CDC45: variants seen among roughly 807,000 people sequenced by gnomAD.
CDC45 encodes cell division cycle 45.
Under a neutral mutation model 77.8 loss-of-function variants are expected in CDC45, and 54 were observed. The ratio of observed to expected loss-of-function variants is 0.69; its 90% CI spans 0.56 to 0.87. The LOEUF (loss-of-function observed/expected upper bound fraction) is 0.87. Ranked by LOEUF, CDC45 falls within the 40% of genes least tolerant of loss-of-function variation. CDC45 has a pLI of 0.00. For synonymous variants in CDC45, 260 were observed against 272.1 expected (o/e 0.96, Z 0.44); for missense variants, 649 against 721.6 (o/e 0.90, Z 1.15).
chr22:19,513,538 G>A (rs1374534157), intron 13 of CDC45, among the ~76,000 whole-genome samples: 2 of 152,048 alleles, frequency 1.3e-5, no homozygotes, highest in African/African-American at 2.4e-5. Context: ...AGAGTCTGGG[G>A]TTCTGTCTTC....
intron 12 of CDC45, 25 bp downstream of exon 12, chr22:19,507,889 A>T (rs1241798782): frequency 6.8e-7 from 1 of 1,459,952 alleles, no homozygotes; most frequent in Admixed American, 1.8e-5. Context: ...TTCTGGATTT[A>T]TCTTCATTAC....
Position 19,520,322 on chromosome 22 carries a change from T to C in CDC45, c.*2-159T>C, listed in dbSNP as rs1646881079. Among the ~76,000 whole-genome samples, 1 of 152,106 alleles carries C rather than the reference T, an allele frequency of 6.6e-6. No individual in the cohort carries two copies. Among genetic ancestry groups the C allele is most frequent in the African/African-American group, 2.4e-5 (1 of 41,414 alleles). ...AGCTCAGCCCAGTCAAGGGGTGCTA[T>C]GAGGACAGCAGGGGCCTCCGAGTCT... On this transcript the variant is annotated intron_variant, in intron 18 of 18. Transcript: ENST00000263201. The surrounding 1 kb of genome is among the most constrained non-coding windows in gnomAD (Gnocchi z 4.5).
At chr22:19,513,990 C>T (rs1645494774) in intron 13 of CDC45, among the ~76,000 whole-genome samples, 1 of 152,166 alleles carries the variant, frequency 6.6e-6, no homozygotes, top group African/African-American at 2.4e-5. Context: ...TCAACATTTC[C>T]TAGTTTTTAA....
chr22:19,481,972 C>T (rs1300810568), intron 3 of CDC45, among the ~76,000 whole-genome samples: 1 of 152,238 alleles, frequency 6.6e-6, no homozygotes, highest in Non-Finnish European at 1.5e-5. Flanking sequence ...GAATACACTA[C>T]TATTTTATGT....
chr22:19,495,046 G>GTCTC (rs1409758325), intron 6 of CDC45, among the ~76,000 whole-genome samples: 1 of 152,180 alleles, frequency 6.6e-6, no homozygotes, highest in African/African-American at 2.4e-5. Flanking sequence ...GCGAGACCTT[G>GTCTC]TCTCTAAAAA....
chr22:19,510,879 T>C (rs940060544), intron 13 of CDC45, among the ~76,000 whole-genome samples: 2 of 152,260 alleles, frequency 1.3e-5, no homozygotes, highest in African/African-American at 4.8e-5. Flanking sequence ...TTCTATTTCA[T>C]TTATCCATTC....
chr22:19,483,081 G>A (rs1426974442), intron 4 of CDC45, among the ~76,000 whole-genome samples: 2 of 151,948 alleles, frequency 1.3e-5, no homozygotes, highest in East Asian at 1.9e-4. Context: ...CTCCTTAGTA[G>A]GTGGGACTAC....
At chr22:19,518,041 A>G (rs1845145089) in intron 17 of CDC45, among the ~76,000 whole-genome samples, 1 of 152,214 alleles carries the variant, frequency 6.6e-6, no homozygotes, top group African/African-American at 2.4e-5. Flanking sequence ...AGCCAGACCC[A>G]GCCATGGCTG....
rs768661708 is a variant in CDC45 at position 19,479,954 on chromosome 22, C to T, written c.-15C>T. The T allele has an allele frequency of 3.1e-6, 5 of 1,612,616 alleles. No homozygotes were observed. The South Asian group carries it at 5.5e-5, about 18-fold the overall frequency. ...GTACCTCAGCGCGAGCGCCAGGCGT[C>T]CGGCCGCCGTGGCTATGTTCGTGTC... On this transcript the variant is annotated 5_prime_UTR_variant, in exon 1 of 19. Transcript: ENST00000263201.
At chr22:19,516,677 G>A (rs1308658140) in intron 16 of CDC45, 32 bp downstream of exon 16, 1 of 1,587,128 alleles carries the variant, frequency 6.3e-7, no homozygotes, top group Admixed American at 1.7e-5. Flanking sequence ...TGGGACTGGA[G>A]GGTCGGGGGT....
chr22:19,482,519 G>T (rs899860134), intron 3 of CDC45, among the ~76,000 whole-genome samples, 171 bp from the exon 4 acceptor site: 1 of 152,228 alleles, frequency 6.6e-6, no homozygotes, highest in Non-Finnish European at 1.5e-5. Flanking sequence ...GTGTCACCAT[G>T]CTAAAGCACT....
chr22:19,514,901 C>G lies in CDC45; in HGVS notation c.1356+14C>G. On this transcript the variant is annotated intron_variant, in intron 14 of 18. Coordinates refer to ENST00000263201, the MANE Select transcript of CDC45 (RefSeq NM_003504.5). ...TCTCTCATGGAGGTCAGGCTTCCCA[C>G]AGAGCACAGGCGCCTGGTCACAGCA... 6.2e-7 allele frequency: 1 copy of G among 1,614,250 alleles called. No homozygotes were observed. The highest frequency in any genetic ancestry group is 8.5e-7 in the Non-Finnish European group (1 of 1,180,048).
intron 5 of CDC45, among the ~76,000 whole-genome samples, chr22:19,487,502 C>T (rs1601930077): frequency 6.6e-6 from 1 of 151,904 alleles, no homozygotes; most frequent in East Asian, 1.9e-4. Flanking sequence ...TGCACTCCAG[C>T]CTGGGCAACA....
chr22:19,487,292 CAAAAA>C (rs754969437), intron 5 of CDC45, among the ~76,000 whole-genome samples: 2 of 59,514 alleles, frequency 3.4e-5, no homozygotes, highest in Non-Finnish European at 3.5e-5. Flanking sequence ...ACTCTTGTCT[CAAAAA>C]AAAAAAAAAA....
At chr22:19,519,609 C>A (rs1933998484) in intron 18 of CDC45, among the ~76,000 whole-genome samples, 1 of 151,986 alleles carries the variant, frequency 6.6e-6, no homozygotes, top group African/African-American at 2.4e-5. Flanking sequence ...AGCCTGGAGG[C>A]TGCGGCTGTG....
intron 13 of CDC45, among the ~76,000 whole-genome samples, chr22:19,510,362 A>G (rs988713793): frequency 1.1e-4 from 16 of 152,150 alleles, no homozygotes; most frequent in Non-Finnish European, 1.2e-4. Context: ...AGATCCTCCC[A>G]GCCTCTGGCA....
rs1193762111 is a variant in CDC45 at position 19,489,343 on chromosome 22, A to AG, written c.487-4984_487-4983insG. ...GGGTATTGCTTTAAAAAAAAAAAAAAAGATACAGAACATTTCCAGCACTGT... is the reference window on the plus strand; with the variant it reads ...GGGTATTGCTTTAAAAAAAAAAAAAAGAGATACAGAACATTTCCAGCACTGT... On this transcript the variant is annotated intron_variant, in intron 5 of 18. Transcript: ENST00000263201. Among the ~76,000 whole-genome samples, 4 of 152,146 alleles carry AG rather than the reference A, an allele frequency of 2.6e-5. No homozygotes were observed. The East Asian group carries it at 7.7e-4, about 29-fold the overall frequency.
intron 7 of CDC45, among the ~76,000 whole-genome samples, chr22:19,496,315 AAC>A (rs1385705946): frequency 6.6e-6 from 1 of 152,228 alleles, no homozygotes; most frequent in Non-Finnish European, 1.5e-5. Flanking sequence ...GTTCATCAAA[AAC>A]ACAGAATGAG....
chr22:19,508,003 G>A (rs1933298427), intron 12 of CDC45, 139 bp downstream of exon 12: 5 of 623,826 alleles, frequency 8.0e-6, no homozygotes, highest in Non-Finnish European at 1.4e-5. Context: ...ACAACAACCC[G>A]AGAATGTACA....
Sources: gnomAD v4.1 joint callset for allele counts (sites outside exome capture counted in the v4.1 genomes callset) on GRCh38, gnomAD v4.1.1 for gene constraint, Gnocchi (gnomAD v3.1) non-coding constraint, MANE v1.5 for transcripts, NCBI Gene and HGNC (gene_info 2026-07-23, HGNC 2026-07-21) for gene names.